KRT6B: variants seen among roughly 807,000 people sequenced by gnomAD.
The protein encoded by KRT6B is keratin 6B, also known as keratin, type II cytoskeletal 6B.
A neutral mutation model predicts 44.7 loss-of-function variants in KRT6B; 29 were observed. The observed-to-expected ratio is 0.65, with a 90% CI of 0.48 to 0.88. KRT6B has a LOEUF of 0.88. Among genes scored for constraint, KRT6B ranks in the 40% least tolerant of loss-of-function variants. The pLI is 0.00. For missense variants in KRT6B, 600 were observed against 724.0 expected (o/e 0.83, Z 1.97); for synonymous variants, 213 against 296.0 (o/e 0.72, Z 2.88).
rs566522745 is a variant in KRT6B at position 52,452,102 on chromosome 12, A to C, written c.-24T>G. On this transcript the variant is annotated 5_prime_UTR_variant, in exon 1 of 9. Transcript: ENST00000252252. Reference sequence around the variant, plus strand: ...ATGGTTCCAGGAGATGAGAGGGCTTAGGAGAGTGTGAGAGGCTGGAGGCGA... The same window carrying C: ...ATGGTTCCAGGAGATGAGAGGGCTTCGGAGAGTGTGAGAGGCTGGAGGCGA... 6 of 1,613,978 alleles carry C rather than the reference A, an allele frequency of 3.7e-6. No homozygotes were observed. Among genetic ancestry groups the C allele is most frequent in the Non-Finnish European group, 5.1e-6 (6 of 1,180,004 alleles).
intron 5 of KRT6B, 107 bp downstream of exon 5, chr12:52,449,362 G>A: frequency 1.3e-6 from 2 of 1,521,588 alleles, no homozygotes; most frequent in South Asian, 2.3e-5. Context: ...TGTCCTGTGA[G>A]AGGACCCCAG....
Position 52,448,841 on chromosome 12 carries a change from C to G in KRT6B, c.1203+1G>C. 1 of 1,614,122 alleles carries G rather than the reference C, an allele frequency of 6.2e-7. No individual in the cohort carries two copies. Among genetic ancestry groups the G allele is most frequent in the East Asian group, 2.2e-5 (1 of 44,882 alleles). On this transcript the variant is annotated splice_donor_variant, in intron 6 of 8. Transcript: ENST00000252252. LOFTEE classifies it high-confidence loss of function. ...TTCTCCTCCATTGCCCCTCACCATACCTGCTTCTTGACGTGGTCGATCTCA... is the reference window on the plus strand; with the variant it reads ...TTCTCCTCCATTGCCCCTCACCATAGCTGCTTCTTGACGTGGTCGATCTCA...
intron 6 of KRT6B, 120 bp downstream of exon 6, chr12:52,448,722 G>A: frequency 1.3e-6 from 2 of 1,532,822 alleles, no homozygotes; most frequent in Non-Finnish European, 1.8e-6. Flanking sequence ...GGAACTGCAT[G>A]TCTTTCCTTC....
At chr12:52,449,330 T>G in intron 5 of KRT6B, 139 bp downstream of exon 5, 1 of 1,348,182 alleles carries the variant, frequency 7.4e-7, no homozygotes, top group Non-Finnish European at 1.1e-6. Flanking sequence ...CGCAAATGTC[T>G]ACTCTAATAG....
intron 1 of KRT6B, 113 bp downstream of exon 1, chr12:52,451,426 A>G (rs1940400712): frequency 6.3e-7 from 1 of 1,599,952 alleles, no homozygotes; most frequent in South Asian, 1.1e-5. Flanking sequence ...CTCTCTGCAG[A>G]GCTGGGCTGA....
chr12:52,449,364 G>C, intron 5 of KRT6B, 105 bp downstream of exon 5: 1 of 1,520,424 alleles, frequency 6.6e-7, no homozygotes, highest in Non-Finnish European at 9.1e-7. Context: ...TCCTGTGAGA[G>C]GACCCCAGCT....
chr12:52,452,024 T>C lies in KRT6B; in HGVS notation c.55A>G (p.Ser19Gly), dbSNP rs1250691028. The change falls in exon 1 of 9, where the codon AGT (serine) becomes GGT (glycine). Residue 19 changes from serine (S) to glycine (G), a missense_variant. Around this residue, in one of 4 missense-constraint regions of KRT6B, gnomAD observed 78 missense variants for 97.5 expected, o/e 0.80. Coordinates refer to ENST00000252252, the MANE Select transcript of KRT6B (RefSeq NM_005555.4). The part of the protein sequence containing the change: ...RSHSSSRRGF[S>G]ANSARLPGVS... Reference sequence around the variant, plus strand: ...CCAGGGAGCCTGGCTGAGTTGGCACTGAAACCCCGGCGGCTGCTGCTGTGG... The same window carrying C: ...CCAGGGAGCCTGGCTGAGTTGGCACCGAAACCCCGGCGGCTGCTGCTGTGG... The C allele has an allele frequency of 6.2e-7, 1 of 1,614,002 alleles. No homozygotes were observed. The highest frequency in any genetic ancestry group is 1.7e-5 in the Admixed American group (1 of 60,032).
rs1458368465 is a variant in KRT6B at position 52,450,136 on chromosome 12, T to C, written c.756-64A>G. 6 of 1,613,576 alleles carry C rather than the reference T, an allele frequency of 3.7e-6. No individual in the cohort carries two copies. The East Asian group carries it at 8.9e-5, about 24-fold the overall frequency. On this transcript the variant is annotated intron_variant, in intron 2 of 8. Coordinates refer to ENST00000252252, the MANE Select transcript of KRT6B (RefSeq NM_005555.4). ...GGTAGGATGAAACAGAAAAGCAGCT[T>C]GGGATTCAACATTTTCCTGAATGGA...
chr12:52,447,153 C>T lies in KRT6B; in HGVS notation c.*37G>A, dbSNP rs759082678. 1.2e-6 allele frequency: 2 copies of T among 1,612,256 alleles called. No individual in the cohort carries two copies. Among genetic ancestry groups the T allele is most frequent in the African/African-American group, 1.3e-5 (1 of 74,986 alleles). ...AGAGGGCTCTGCTGCCAGAGAGGGG[C>T]CTGAGAGCTGTGGGACTGAGAGCTG... On this transcript the variant is annotated 3_prime_UTR_variant, in exon 9 of 9. Transcript: ENST00000252252.
intron 6 of KRT6B, 31 bp downstream of exon 6, chr12:52,448,811 T>C: frequency 1.2e-6 from 2 of 1,614,132 alleles, no homozygotes; most frequent in Non-Finnish European, 1.7e-6. Context: ...AAAAAAATGA[T>C]GCTTTTCTCC....
intron 1 of KRT6B, among the ~76,000 whole-genome samples, chr12:52,451,012 G>C (rs1451951356): frequency 6.6e-6 from 1 of 151,980 alleles, no homozygotes; most frequent in African/African-American, 2.4e-5. Flanking sequence ...TTACATTTCA[G>C]TCTACTTTCC....
In KRT6B at chr12:52,446,761, G is replaced by T; in HGVS notation, c.*429C>A. ...GAAGGTACATCACTTGCCATTCAGG[G>T]ACACTGCAAGAGAAGATCAGGACAA... On this transcript the variant is annotated 3_prime_UTR_variant, in exon 9 of 9. Transcript: ENST00000252252. 4.2e-6 allele frequency: 1 copy of T among 235,444 alleles called. No individual in the cohort carries two copies. The allele number at this position is 235,444 out of a possible 1,614,324, so 14.6% of individuals were successfully genotyped here. A position where few individuals can be genotyped will look rare whatever the true frequency, so the allele number is the denominator to read the frequency against.
intron 5 of KRT6B, 23 bp from the exon 6 acceptor site, chr12:52,448,990 G>C (rs1940355325): frequency 6.2e-7 from 1 of 1,611,366 alleles, no homozygotes; most frequent in South Asian, 1.1e-5. Context: ...GGTGGAGAGA[G>C]AGACAGTGTC....
At chr12:52,449,091 G>A (rs1391634315) in intron 5 of KRT6B, 124 bp from the exon 6 acceptor site, 22 of 1,509,994 alleles carry the variant, frequency 1.5e-5, no homozygotes, top group African/African-American at 2.7e-5. Context: ...GAAACTTGAG[G>A]AAAAGTTGAT....
chr12:52,450,658 G>T (rs762619760), intron 1 of KRT6B, 38 bp from the exon 2 acceptor site: 3 of 1,613,862 alleles, frequency 1.9e-6, no homozygotes, highest in Middle Eastern at 1.6e-4. Context: ...CCAGGAAAAG[G>T]AAGGCAGAGA....
Sources: allele counts gnomAD v4.1 joint callset (sites outside exome capture counted in the v4.1 genomes callset), GRCh38; gene constraint gnomAD v4.1.1; regional missense constraint gnomAD v4.1.1; transcripts MANE v1.5; gene names NCBI Gene and HGNC (gene_info 2026-07-23, HGNC 2026-07-21).